Variants in MTMR7 observed in about 807,000 individuals in gnomAD.
MTMR7 encodes myotubularin related protein 7.
Under a neutral mutation model 81.2 loss-of-function variants are expected in MTMR7, and 76 were observed. The observed-to-expected ratio is 0.94, with a 90% CI of 0.78 to 1.13. MTMR7 has a LOEUF of 1.13. MTMR7 is among the 50% of genes most tolerant of loss of function. The pLI, the probability that MTMR7 is intolerant of heterozygous loss-of-function variation, is 0.00. For missense variants in MTMR7, 1,044 were observed against 820.0 expected (o/e 1.27, Z -3.34); for synonymous variants, 372 against 289.8 (o/e 1.28, Z -2.88).
intron 4 of MTMR7, among the ~76,000 whole-genome samples, chr8:17,355,025 T>C (rs1013477416): frequency 2.0e-5 from 3 of 152,212 alleles, no homozygotes; most frequent in African/African-American, 7.2e-5. Flanking sequence ...GTAACTCATG[T>C]TTTGCAGGCT....
chr8:17,341,383 C>T lies in MTMR7; in HGVS notation c.712G>A (p.Val238Ile). 3 of 1,614,206 alleles carry T rather than the reference C, an allele frequency of 1.9e-6. No individual in the cohort carries two copies. Among genetic ancestry groups the T allele is most frequent in the Non-Finnish European group, 2.5e-6 (3 of 1,180,010 alleles). The change falls in exon 6 of 14, where the codon GTC (valine) becomes ATC (isoleucine). Residue 238 changes from valine to isoleucine, a missense_variant. Physicochemically the swap from Val to Ile is conservative, Grantham distance 29. Coordinates refer to ENST00000180173, the MANE Select transcript of MTMR7 (RefSeq NM_004686.5). Reference sequence around the variant, plus strand: ...CTTACTTTAGGCCGGGTGTCAACGACATAAACGAAGTCACTTCCTGGATTG... The same window carrying T: ...CTTACTTTAGGCCGGGTGTCAACGATATAAACGAAGTCACTTCCTGGATTG... ...KANPGSDFVY[V>I]VDTRPKLNAM...
At chr8:17,333,707 C>T (rs946036187) in intron 6 of MTMR7, among the ~76,000 whole-genome samples, 2 of 151,990 alleles carry the variant, frequency 1.3e-5, no homozygotes, top group African/African-American at 4.8e-5. Context: ...AAAAATTAGC[C>T]AGACATGGTG....
chr8:17,394,271 A>G (rs546384041), intron 1 of MTMR7, among the ~76,000 whole-genome samples: 1 of 152,354 alleles, frequency 6.6e-6, no homozygotes, highest in South Asian at 2.1e-4. Context: ...CACTATTCCC[A>G]ATAAAAAGTA....
intron 1 of MTMR7, among the ~76,000 whole-genome samples, chr8:17,398,742 T>C (rs1821332596): frequency 6.6e-6 from 1 of 151,966 alleles, no homozygotes; most frequent in Non-Finnish European, 1.5e-5. Context: ...AATGAACCAA[T>C]AAAAAATGGT....
chr8:17,410,088 G>C (rs1821696821), intron 1 of MTMR7, among the ~76,000 whole-genome samples: 1 of 152,068 alleles, frequency 6.6e-6, no homozygotes, highest in Non-Finnish European at 1.5e-5. Context: ...TGATCAATTT[G>C]AGACATAAAA....
At chr8:17,357,274 G>A (rs190544910) in intron 4 of MTMR7, among the ~76,000 whole-genome samples, 3 of 152,264 alleles carry the variant, frequency 2.0e-5, no homozygotes, top group African/African-American at 2.4e-5. Flanking sequence ...ACTATACACA[G>A]AACTAATATT....
intron 7 of MTMR7, among the ~76,000 whole-genome samples, chr8:17,315,522 C>T (rs538237846): frequency 1.3e-5 from 2 of 152,188 alleles, no homozygotes; most frequent in East Asian, 1.9e-4. Flanking sequence ...TGTACCACTC[C>T]GTCGGGGATG....
chr8:17,332,915 T>C (rs1315307121), intron 6 of MTMR7, among the ~76,000 whole-genome samples: 1 of 152,182 alleles, frequency 6.6e-6, no homozygotes, highest in Non-Finnish European at 1.5e-5. Context: ...AAAGACAGCA[T>C]GGCAGGCGAC....
intron 12 of MTMR7, among the ~76,000 whole-genome samples, chr8:17,302,622 C>T (rs1162594208): frequency 6.8e-6 from 1 of 147,158 alleles, no homozygotes; most frequent in African/African-American, 2.5e-5. Flanking sequence ...TAGAATCTTT[C>T]AGCTACAAAG....
Position 17,372,543 on chromosome 8 carries a change from G to A in MTMR7, c.147+575C>T, listed in dbSNP as rs1223180056. 5.9e-5 allele frequency among the ~76,000 whole-genome samples: 9 copies of A among 152,118 alleles called. No homozygotes were observed. In the South Asian group the frequency reaches 6.2e-4, roughly 11 times the overall value. The stretch of plus-strand genomic sequence containing the variant: ...GCAGAGGCTGCAGTGAGCTGAGATC[G>A]CATCACTGCACTCCAGCCTGGGCAA... On this transcript the variant is annotated intron_variant, in intron 2 of 13. Transcript: ENST00000180173.
intron 5 of MTMR7, among the ~76,000 whole-genome samples, chr8:17,346,571 TA>T (rs1819557095): frequency 6.6e-6 from 1 of 152,086 alleles, no homozygotes; most frequent in Non-Finnish European, 1.5e-5. Context: ...GTCTAACTGC[TA>T]AAAATTCTCT....
intron 6 of MTMR7, 60 bp downstream of exon 6, chr8:17,341,303 T>G: frequency 1.2e-6 from 2 of 1,600,696 alleles, no homozygotes; most frequent in Non-Finnish European, 1.7e-6. Flanking sequence ...GGCTAGCCTT[T>G]GCCTGTCTCC....
chr8:17,347,513 G>A (rs1239106207), intron 5 of MTMR7, among the ~76,000 whole-genome samples: 2 of 152,138 alleles, frequency 1.3e-5, no homozygotes, highest in African/African-American at 4.8e-5. Context: ...TGTAGGTGCA[G>A]GCATGTGGAT....
chr8:17,350,237 C>G (rs1250529046), intron 4 of MTMR7, among the ~76,000 whole-genome samples: 1 of 152,170 alleles, frequency 6.6e-6, no homozygotes, highest in African/African-American at 2.4e-5. Context: ...TCAAGTACGT[C>G]TAACAACAGG....
chr8:17,412,656 C>T (rs930275055), intron 1 of MTMR7, among the ~76,000 whole-genome samples: 2 of 152,150 alleles, frequency 1.3e-5, no homozygotes, highest in African/African-American at 4.8e-5. Context: ...AAGCTGCATC[C>T]TTTTCTCTAA....
intron 3 of MTMR7, among the ~76,000 whole-genome samples, chr8:17,364,186 C>G (rs990511273): frequency 6.6e-6 from 1 of 151,710 alleles, no homozygotes; most frequent in African/African-American, 2.4e-5. Flanking sequence ...CCCGCCACCA[C>G]GCCCGGCTAA....
intron 1 of MTMR7, among the ~76,000 whole-genome samples, chr8:17,374,620 AAAATAAAT>A (rs143079802): frequency 6.6e-6 from 1 of 151,268 alleles, no homozygotes; most frequent in Non-Finnish European, 1.5e-5. Context: ...ACTCCATCTC[AAAATAAAT>A]AAATAAATAA....
Position 17,300,730 on chromosome 8 carries a change from C to T in MTMR7, c.1621-506G>A, listed in dbSNP as rs377357808. On this transcript the variant is annotated intron_variant, in intron 13 of 13. Coordinates refer to ENST00000180173, the MANE Select transcript of MTMR7 (RefSeq NM_004686.5). Reference sequence around the variant, plus strand: ...TTATAAAACACTGTCATCACCTCCCCTGCCGAAAGAAAACCCCATACTCAT... The same window carrying T: ...TTATAAAACACTGTCATCACCTCCCTTGCCGAAAGAAAACCCCATACTCAT... 6.6e-5 allele frequency among the ~76,000 whole-genome samples: 10 copies of T among 152,354 alleles called. No individual in the cohort carries two copies. In the East Asian group the frequency reaches 1.9e-3, roughly 29 times the overall value.
chr8:17,413,278 A>G lies in MTMR7; in HGVS notation c.15T>C (p.Arg5=), dbSNP rs67972978. ...CGCTGGTGTCACCAACCTTGGGCGT[A>G]CGGATGTGCTCCATGGCTGGCCCAC... MEHI[R]TPKVENVRLV... Residue 5 remains arginine, a synonymous_variant, in exon 1 of 14, where the codon CGT becomes CGC. Transcript: ENST00000180173. 1 allele frequency: 1,544,804 copies of G among 1,547,750 alleles called. 770,979 individuals carry two copies. Among genetic ancestry groups the G allele is most frequent in the Non-Finnish European group, 1 (1,144,907 of 1,144,942 alleles).
Sources: gnomAD v4.1 joint callset for allele counts (sites outside exome capture counted in the v4.1 genomes callset) on GRCh38, gnomAD v4.1.1 for gene constraint, MANE v1.5 for transcripts, NCBI Gene and HGNC (gene_info 2026-07-23, HGNC 2026-07-21) for gene names.